Variants in ATP8A2 observed in about 807,000 individuals in gnomAD.
ATP8A2 encodes the protein phospholipid-transporting ATPase IB.
In ATP8A2, 100 loss-of-function variants were observed where a neutral mutation model predicts 165.6. The observed-to-expected ratio is 0.60, with a 90% CI of 0.51 to 0.71. ATP8A2 has a LOEUF of 0.71. ATP8A2 is among the 30% of genes least tolerant of loss of function. ATP8A2 has a pLI of 0.00. For missense variants in ATP8A2, 1,227 were observed against 1,479.5 expected (o/e 0.83, Z 2.80); for synonymous variants, 543 against 548.8 (o/e 0.99, Z 0.15).
chr13:25,776,894 G>A (rs2044755452), intron 27 of ATP8A2, among the ~76,000 whole-genome samples: 2 of 151,924 alleles, frequency 1.3e-5, no homozygotes. Context: ...CATTCTGCGT[G>A]GAGCTCCCAA....
At chr13:25,768,989 C>T (rs2044556041) in intron 25 of ATP8A2, 57 bp from the exon 26 acceptor site, 1 of 1,506,312 alleles carries the variant, frequency 6.6e-7, no homozygotes, top group Non-Finnish European at 9.2e-7. Context: ...ATGTAGATTA[C>T]AGCTGTTTCC....
chr13:25,622,254 T>C (rs2040989060), intron 24 of ATP8A2, among the ~76,000 whole-genome samples: 1 of 151,208 alleles, frequency 6.6e-6, no homozygotes, highest in African/African-American at 2.4e-5. Flanking sequence ...TATGCCAAGT[T>C]GGAGATGTGT....
intron 2 of ATP8A2, among the ~76,000 whole-genome samples, chr13:25,515,935 G>A (rs908247238): frequency 6.6e-6 from 1 of 152,136 alleles, no homozygotes; most frequent in Admixed American, 6.5e-5. Flanking sequence ...TGCTATATAC[G>A]CATGATAAAC....
intron 2 of ATP8A2, among the ~76,000 whole-genome samples, chr13:25,507,253 GTGTGTGTGTGTA>G (rs1490527254): frequency 0.01 from 897 of 87,388 alleles, 12 homozygotes; most frequent in African/African-American, 0.032. Context: ...GTGTGTGTGT[GTGTGTGTGTGTA>G]TTTTGTTGTT....
intron 24 of ATP8A2, among the ~76,000 whole-genome samples, chr13:25,660,218 G>C (rs554349600): frequency 6.6e-6 from 1 of 152,256 alleles, no homozygotes; most frequent in South Asian, 2.1e-4. Flanking sequence ...TCATGTGTGA[G>C]TTTTCTTCCT....
At chr13:25,666,714 G>A (rs1187906472) in intron 24 of ATP8A2, among the ~76,000 whole-genome samples, 1 of 152,082 alleles carries the variant, frequency 6.6e-6, no homozygotes, top group African/African-American at 2.4e-5. Flanking sequence ...ACACCAAAAG[G>A]CATTATGACA....
chr13:25,608,095 A>G (rs1344751968), intron 24 of ATP8A2, among the ~76,000 whole-genome samples: 2 of 152,206 alleles, frequency 1.3e-5, no homozygotes, highest in Admixed American at 6.5e-5. Context: ...TGGGTAATTT[A>G]TAAGCCAAAG....
chr13:26,010,144 C>T (rs901652383), intron 35 of ATP8A2, among the ~76,000 whole-genome samples: 2 of 152,222 alleles, frequency 1.3e-5, no homozygotes, highest in African/African-American at 4.8e-5. Flanking sequence ...ATCTAGGCGG[C>T]GTCTGCCAGC....
At chr13:25,866,434 G>A (rs1051286936) in intron 33 of ATP8A2, among the ~76,000 whole-genome samples, 2 of 152,154 alleles carry the variant, frequency 1.3e-5, no homozygotes, top group African/African-American at 4.8e-5. Flanking sequence ...TCATCAATAA[G>A]AATATTGCTG....
chr13:25,683,391 A>AG (rs1302435449), intron 24 of ATP8A2, among the ~76,000 whole-genome samples: 1 of 152,196 alleles, frequency 6.6e-6, no homozygotes, highest in Non-Finnish European at 1.5e-5. Flanking sequence ...GTGATTTCGT[A>AG]GTAGAGTCTT....
At chr13:25,479,987 G>A (rs372296653) in intron 2 of ATP8A2, among the ~76,000 whole-genome samples, 33 of 152,242 alleles carry the variant, frequency 2.2e-4, no homozygotes, top group Admixed American at 1.7e-3. Context: ...ATCATGGCCC[G>A]TTCTCAATGA....
chr13:25,933,267 C>G (rs3783126), intron 33 of ATP8A2, among the ~76,000 whole-genome samples: 1 of 152,094 alleles, frequency 6.6e-6, no homozygotes, highest in South Asian at 2.1e-4. Context: ...CCTCGCTTGG[C>G]GGGGATGTTC....
chr13:26,021,972 G>A lies in ATP8A2; in HGVS notation c.*1987G>A, dbSNP rs1325578435. ...TAAGAAAACTCATCCTCACTTATGA[G>A]GTGACCAGGATGCAGAGAGGGCCTG... On this transcript the variant is annotated 3_prime_UTR_variant, in exon 37 of 37. Transcript: ENST00000381655. 2 of 152,176 alleles carry A rather than the reference G, an allele frequency of 1.3e-5. No individual in the cohort carries two copies. The highest frequency in any genetic ancestry group is 2.9e-5 in the Non-Finnish European group (2 of 68,050). The allele number at this position is 152,176 out of a possible 1,614,324, so 9.4% of individuals were successfully genotyped here. A position where few individuals can be genotyped will look rare whatever the true frequency, so the allele number is the denominator to read the frequency against.
intron 33 of ATP8A2, among the ~76,000 whole-genome samples, chr13:25,904,401 G>A (rs1192918781): frequency 1.3e-5 from 2 of 152,142 alleles, no homozygotes; most frequent in Admixed American, 1.3e-4. Context: ...GACATTCTCC[G>A]TTTCCTCATA....
At chr13:25,932,621 A>T (rs967125280) in intron 33 of ATP8A2, among the ~76,000 whole-genome samples, 1 of 152,216 alleles carries the variant, frequency 6.6e-6, no homozygotes, top group Admixed American at 6.5e-5. Flanking sequence ...AAGCACACAA[A>T]GGAACTGTTT....
intron 25 of ATP8A2, among the ~76,000 whole-genome samples, chr13:25,715,654 C>CA (rs2043240879): frequency 6.6e-6 from 1 of 152,254 alleles, no homozygotes; most frequent in East Asian, 1.9e-4. Flanking sequence ...TTTTTATTGC[C>CA]AAAAAATATT....
chr13:25,656,930 G>A (rs1445507816), intron 24 of ATP8A2, among the ~76,000 whole-genome samples: 3 of 151,168 alleles, frequency 2.0e-5, no homozygotes, highest in African/African-American at 7.3e-5. Flanking sequence ...GTGCATGCCT[G>A]TAATCCTAGC....
chr13:25,682,996 G>A (rs1261245299), intron 24 of ATP8A2, among the ~76,000 whole-genome samples: 1 of 152,120 alleles, frequency 6.6e-6, no homozygotes, highest in Non-Finnish European at 1.5e-5. Context: ...ACCATAAAAG[G>A]TTGAAAGCTT....
chr13:25,706,708 C>T (rs977526299), intron 25 of ATP8A2, among the ~76,000 whole-genome samples: 4 of 152,060 alleles, frequency 2.6e-5, no homozygotes, highest in African/African-American at 9.7e-5. Context: ...GCATCATGAA[C>T]GATTAGTTAT....
Sources: gnomAD v4.1 joint callset for allele counts (sites outside exome capture counted in the v4.1 genomes callset) on GRCh38, gnomAD v4.1.1 for gene constraint, MANE v1.5 for transcripts, NCBI Gene and HGNC (gene_info 2026-07-23, HGNC 2026-07-21) for gene names.